The following SDHAF2 variants were observed in gnomAD, a reference collection of about 807,000 sequenced individuals.
SDHAF2 encodes the protein succinate dehydrogenase assembly factor 2, mitochondrial.
In SDHAF2, 21 loss-of-function variants were observed where a neutral mutation model predicts 18.5. The ratio of observed to expected loss-of-function variants is 1.13; its 90% CI spans 0.80 to 1.63. SDHAF2 has a LOEUF of 1.63. SDHAF2 is among the 40% of genes most tolerant of loss of function. SDHAF2 has a pLI of 0.00. For missense variants in SDHAF2, 195 were observed against 200.3 expected (o/e 0.97, Z 0.16); for synonymous variants, 84 against 70.7 (o/e 1.19, Z -0.94).
intron 3 of SDHAF2, among the ~76,000 whole-genome samples, chr11:61,440,629 A>AT (rs2079981149): frequency 1.3e-5 from 2 of 152,084 alleles, no homozygotes; most frequent in African/African-American, 4.8e-5. Context: ...CTTTTAGTAC[A>AT]TTTTTTCTGT....
intron 1 of SDHAF2, chr11:61,432,771 T>A (rs141625929): frequency 8.7e-4 from 132 of 152,336 alleles, no homozygotes; most frequent in African/African-American, 3.1e-3. Flanking sequence ...TATTTCTTTG[T>A]GGTTACCATG....
At position 61,437,914 on chromosome 11, in the gene SDHAF2, A is replaced by T; in HGVS notation, c.260+66A>T. On this transcript the variant is annotated intron_variant, in intron 2 of 3. Coordinates refer to ENST00000301761, the MANE Select transcript of SDHAF2 (RefSeq NM_017841.4). ...CCTGAGCCAGAGTAGGTTCAGAGAG[A>T]CTCCCAGGAGTAGGAGTCTTGGTGT... 4.5e-6 allele frequency: 7 copies of T among 1,562,992 alleles called. No individual in the cohort carries two copies. In the South Asian group the frequency reaches 7.8e-5, roughly 17 times the overall value.
intron 3 of SDHAF2, among the ~76,000 whole-genome samples, chr11:61,442,870 C>T (rs1172209597): frequency 6.6e-6 from 1 of 152,228 alleles, no homozygotes; most frequent in Non-Finnish European, 1.5e-5. Context: ...TCTTGTGCCT[C>T]AGGCTCCTGA....
chr11:61,445,775 T>C (rs968154128), intron 3 of SDHAF2, among the ~76,000 whole-genome samples, 166 bp from the exon 4 acceptor site: 3 of 152,172 alleles, frequency 2.0e-5, no homozygotes, highest in African/African-American at 7.2e-5. Flanking sequence ...CTCACACAGT[T>C]TGCCACCCCC....
At chr11:61,442,402 T>C (rs535995486) in intron 3 of SDHAF2, among the ~76,000 whole-genome samples, 2 of 152,348 alleles carry the variant, frequency 1.3e-5, no homozygotes, top group South Asian at 4.1e-4. Flanking sequence ...TACCATGTGC[T>C]GTTTTCTCAT....
chr11:61,441,869 G>A (rs1284630336), intron 3 of SDHAF2, among the ~76,000 whole-genome samples: 3 of 141,684 alleles, frequency 2.1e-5, no homozygotes, highest in African/African-American at 5.0e-5. Context: ...TTCAAATTCC[G>A]CCCCCCACCA....
chr11:61,438,807 G>C (rs1862029437), intron 3 of SDHAF2, among the ~76,000 whole-genome samples: 1 of 152,196 alleles, frequency 6.6e-6, no homozygotes, highest in South Asian at 2.1e-4. Flanking sequence ...CACTTTGGGA[G>C]GCTGAGGCGG....
intron 3 of SDHAF2, among the ~76,000 whole-genome samples, chr11:61,444,937 A>G (rs1862120482): frequency 6.6e-6 from 1 of 152,024 alleles, no homozygotes; most frequent in Admixed American, 6.6e-5. Flanking sequence ...GAGAAAAGTC[A>G]TAATATTTGT....
rs764742919 is a variant in SDHAF2 at position 61,438,121 on chromosome 11, G to C, written c.370+8G>C. Reference sequence around the variant, plus strand: ...TTTACTACTGGGCCACAGGTACTGGGTATGATAAGCAGCATAATGTGAAAA... The same window carrying C: ...TTTACTACTGGGCCACAGGTACTGGCTATGATAAGCAGCATAATGTGAAAA... On this transcript the variant is annotated splice_region_variant and intron_variant, in intron 3 of 3. Transcript: ENST00000301761. 18 of 1,585,138 alleles carry C rather than the reference G, an allele frequency of 1.1e-5. No homozygotes were observed. In the African/African-American group the frequency reaches 2.3e-4, roughly 20 times the overall value.
At chr11:61,432,845 G>C (rs1325814909) in intron 1 of SDHAF2, 1 of 151,946 alleles carries the variant, frequency 6.6e-6, no homozygotes, top group East Asian at 1.9e-4. Flanking sequence ...CAAAAACTCT[G>C]CTCTTTTATG....
chr11:61,440,818 A>C (rs1004953064), intron 3 of SDHAF2, among the ~76,000 whole-genome samples: 1 of 152,200 alleles, frequency 6.6e-6, no homozygotes, highest in African/African-American at 2.4e-5. Context: ...TGTTTCAATA[A>C]AACCTTATTT....
chr11:61,440,018 C>A (rs1453557190), intron 3 of SDHAF2, among the ~76,000 whole-genome samples: 2 of 152,082 alleles, frequency 1.3e-5, no homozygotes, highest in Non-Finnish European at 2.9e-5. Context: ...ATAATAGGGC[C>A]AGGTGTGGTA....
intron 1 of SDHAF2, chr11:61,436,739 C>T: frequency 3.8e-6 from 2 of 532,508 alleles, no homozygotes; most frequent in Non-Finnish European, 3.3e-6. Flanking sequence ...GAGCCTCTTA[C>T]TGGTTTCTGG....
intron 3 of SDHAF2, among the ~76,000 whole-genome samples, chr11:61,442,944 C>T (rs772979088): frequency 9.2e-5 from 14 of 152,112 alleles, no homozygotes; most frequent in Non-Finnish European, 1.2e-4. Flanking sequence ...TTCACAGAGA[C>T]GGGTTTCACC....
At chr11:61,430,321 C>A (rs746135447) in intron 1 of SDHAF2, 139 bp downstream of exon 1, 20 of 1,011,692 alleles carry the variant, frequency 2.0e-5, no homozygotes, top group Middle Eastern at 2.1e-4. Context: ...AGAGGCCGAT[C>A]CTGCAACTCA....
Position 61,446,175 on chromosome 11 carries a change from C to G in SDHAF2, c.*104C>G. The G allele has an allele frequency of 7.7e-7, 1 of 1,303,310 alleles. No individual in the cohort carries two copies. Among genetic ancestry groups the G allele is most frequent in the Non-Finnish European group, 1.1e-6 (1 of 905,618 alleles). The allele number at this position is 1,303,310 out of a possible 1,614,324, so 80.7% of individuals were successfully genotyped here. On this transcript the variant is annotated 3_prime_UTR_variant, in exon 4 of 4. Coordinates refer to ENST00000301761, the MANE Select transcript of SDHAF2 (RefSeq NM_017841.4). ...CTTCTTAGATGCCCAGCTGCCCTACCCCAGACCACTGGTCCTGCCTCAAGT... is the reference window on the plus strand; with the variant it reads ...CTTCTTAGATGCCCAGCTGCCCTACGCCAGACCACTGGTCCTGCCTCAAGT...
chr11:61,435,157 TAG>T (rs1861978729), intron 1 of SDHAF2: 1 of 152,306 alleles, frequency 6.6e-6, no homozygotes, highest in Non-Finnish European at 1.5e-5. Context: ...GCTAAGATTA[TAG>T]ACATGAGCCA....
At chr11:61,442,966 G>C (rs990163714) in intron 3 of SDHAF2, among the ~76,000 whole-genome samples, 1 of 152,182 alleles carries the variant, frequency 6.6e-6, no homozygotes, top group Non-Finnish European at 1.5e-5. Flanking sequence ...TGTTGGCCAG[G>C]CTGGGCTTGA....
intron 1 of SDHAF2, chr11:61,436,890 A>C (rs1565128256): frequency 7.8e-7 from 1 of 1,288,440 alleles, no homozygotes; most frequent in Non-Finnish European, 1.0e-6. Flanking sequence ...TAAGTTGTCA[A>C]CTTCTCTGGA....
Sources: gnomAD v4.1 joint callset for allele counts (sites outside exome capture counted in the v4.1 genomes callset) on GRCh38, gnomAD v4.1.1 for gene constraint, MANE v1.5 for transcripts, NCBI Gene and HGNC (gene_info 2026-07-23, HGNC 2026-07-21) for gene names.